Variants in LINGO2 observed in about 807,000 individuals in gnomAD.
LINGO2 encodes leucine-rich repeat and immunoglobulin-like domain-containing nogo receptor-interacting protein 2.
In LINGO2, 14 loss-of-function variants were observed where a neutral mutation model predicts 30.6. That is an observed-to-expected ratio of 0.46 (90% CI 0.30 to 0.72). LINGO2 has a LOEUF of 0.72. Among genes scored for constraint, LINGO2 ranks in the 30% least tolerant of loss-of-function variants. LINGO2 has a pLI of 0.07. For missense variants in LINGO2, 729 were observed against 751.7 expected (o/e 0.97, Z 0.35); for synonymous variants, 317 against 288.5 (o/e 1.10, Z -1.00).
At chr9:28,778,485 T>C in the LINGO2 span, among the ~76,000 whole-genome samples, 4 of 152,152 alleles carry the variant, frequency 2.6e-5, no homozygotes, top group African/African-American at 9.7e-5. Context: ...ACTATACAGC[T>C]ATTTTCTAAA....
chr9:28,118,186 G>A (rs1003911172), intron 4 of LINGO2, among the ~76,000 whole-genome samples: 5 of 152,040 alleles, frequency 3.3e-5, no homozygotes, highest in Non-Finnish European at 7.4e-5. Flanking sequence ...TATGGCACAT[G>A]TTTACCTGTG....
chr9:29,121,119 C>T, the LINGO2 span, among the ~76,000 whole-genome samples: 1 of 151,988 alleles, frequency 6.6e-6, no homozygotes, highest in Non-Finnish European at 1.5e-5. Flanking sequence ...AGGCTTACAA[C>T]AAAATTTTTG....
intron 4 of LINGO2, among the ~76,000 whole-genome samples, chr9:28,205,808 C>T (rs1587221607): frequency 2.0e-5 from 3 of 152,096 alleles, no homozygotes. Flanking sequence ...CCTTTTGTTC[C>T]AAGTCCAAGC....
chr9:28,245,214 G>A lies in LINGO2; in HGVS notation c.-87+49994C>T, dbSNP rs566560865. 5.3e-5 allele frequency among the ~76,000 whole-genome samples: 8 copies of A among 152,170 alleles called. No homozygotes were observed. The East Asian group carries it at 7.7e-4, about 15-fold the overall frequency. On this transcript the variant is annotated intron_variant, in intron 4 of 5. Coordinates refer to ENST00000379992, the Ensembl canonical transcript of LINGO2. The stretch of plus-strand genomic sequence containing the variant: ...AACCAATGATAAAAACCACATGATC[G>A]TCTCAATAAACGCAGAAAAGGCCTT...
intron 4 of LINGO2, among the ~76,000 whole-genome samples, chr9:28,069,082 A>G (rs1351583398): frequency 1.3e-5 from 2 of 152,158 alleles, no homozygotes; most frequent in Non-Finnish European, 2.9e-5. Flanking sequence ...AGAAAATGCT[A>G]TAGGATTTCA....
intron 2 of LINGO2, among the ~76,000 whole-genome samples, chr9:28,475,037 CTT>C (rs1201353361): frequency 3.9e-5 from 6 of 152,030 alleles, no homozygotes; most frequent in African/African-American, 1.4e-4. Context: ...TAAACTGACT[CTT>C]AACCCACAGA....
the LINGO2 span, among the ~76,000 whole-genome samples, chr9:29,092,605 G>A: frequency 3.4e-5 from 3 of 88,884 alleles, no homozygotes; most frequent in African/African-American, 1.3e-4. Flanking sequence ...TTTAAGTACA[G>A]TCTTCAAAAG....
rs537226353 is a variant in LINGO2, at chr9:28,617,726, CTTTT to C, written c.-365+52470_-365+52473del. On this transcript the variant is annotated intron_variant, in intron 1 of 5. Coordinates refer to ENST00000379992, the Ensembl canonical transcript of LINGO2. The stretch of plus-strand genomic sequence containing the variant: ...AAATTCATCCCTGTTTTCATCTTTA[CTTTT>C]TTTTTATTTTCATAATTACAACCTT... 1.4e-4 allele frequency among the ~76,000 whole-genome samples: 21 copies of C among 151,450 alleles called. No individual in the cohort carries two copies. In the South Asian group the frequency reaches 2.5e-3, roughly 18 times the overall value.
At chr9:28,220,815 T>C (rs1401473197) in intron 4 of LINGO2, among the ~76,000 whole-genome samples, 2 of 151,946 alleles carry the variant, frequency 1.3e-5, no homozygotes, top group African/African-American at 4.8e-5. Flanking sequence ...TGTATCTCCA[T>C]TGCAAAACAA....
At chr9:29,039,719 G>A in the LINGO2 span, among the ~76,000 whole-genome samples, 1 of 152,204 alleles carries the variant, frequency 6.6e-6, no homozygotes, top group African/African-American at 2.4e-5. Flanking sequence ...CAATTCCAGG[G>A]ACAGGCCTGG....
chr9:28,777,205 T>C, the LINGO2 span, among the ~76,000 whole-genome samples: 2 of 152,178 alleles, frequency 1.3e-5, no homozygotes, highest in Non-Finnish European at 2.9e-5. Flanking sequence ...GGGTAGCTCT[T>C]CTAGCAATGT....
At chr9:28,297,824 G>C (rs1010797000) in intron 3 of LINGO2, among the ~76,000 whole-genome samples, 3 of 152,284 alleles carry the variant, frequency 2.0e-5, no homozygotes, top group African/African-American at 7.2e-5. Flanking sequence ...TCAAACACAA[G>C]AGTCACTGCC....
intron 1 of LINGO2, among the ~76,000 whole-genome samples, chr9:28,610,835 A>G (rs1279156103): frequency 3.3e-5 from 5 of 152,204 alleles, no homozygotes; most frequent in Non-Finnish European, 7.3e-5. Flanking sequence ...TCAAGTAATC[A>G]CTTTCTCCAC....
At chr9:29,151,214 G>A in the LINGO2 span, among the ~76,000 whole-genome samples, 35 of 152,194 alleles carry the variant, frequency 2.3e-4, no homozygotes, top group Admixed American at 6.5e-4. Context: ...CAATCAGAGA[G>A]GGAATTTGCT....
chr9:28,339,372 T>C (rs995374901), intron 3 of LINGO2, among the ~76,000 whole-genome samples: 1 of 152,180 alleles, frequency 6.6e-6, no homozygotes, highest in Non-Finnish European at 1.5e-5. Context: ...AAGTGAAAAT[T>C]GAAGCTTAGT....
chr9:28,317,640 G>A (rs1156724369), intron 3 of LINGO2, among the ~76,000 whole-genome samples: 1 of 147,842 alleles, frequency 6.8e-6, no homozygotes, highest in Non-Finnish European at 1.5e-5. Context: ...AAAAAACAGA[G>A]TGTTAAAAAA....
chr9:28,092,429 A>G (rs1159843152), intron 4 of LINGO2, among the ~76,000 whole-genome samples: 1 of 151,974 alleles, frequency 6.6e-6, no homozygotes. Context: ...CATCATTCTC[A>G]GCAAACTGTC....
At chr9:29,160,994 G>A in the LINGO2 span, among the ~76,000 whole-genome samples, 1 of 152,210 alleles carries the variant, frequency 6.6e-6, no homozygotes, top group African/African-American at 2.4e-5. Context: ...GGCTCGGGCT[G>A]GCGCCCAAAG....
At chr9:28,698,584 T>C in the LINGO2 span, among the ~76,000 whole-genome samples, 9 of 152,106 alleles carry the variant, frequency 5.9e-5, no homozygotes, top group Admixed American at 5.9e-4. Context: ...GATAAAATTA[T>C]TGACTAGCTC....
Sources: allele counts gnomAD v4.1 joint callset (sites outside exome capture counted in the v4.1 genomes callset), GRCh38; gene constraint gnomAD v4.1.1; transcripts MANE v1.5; gene names NCBI Gene and HGNC (gene_info 2026-07-23, HGNC 2026-07-21).